The following EPAS1 variants were observed in gnomAD, a reference collection of about 807,000 sequenced individuals.
EPAS1 encodes the protein endothelial PAS domain protein 1.
EPAS1 carries 23 observed loss-of-function variants against 87.9 expected under a neutral mutation model. The ratio of observed to expected loss-of-function variants is 0.26; its 90% CI spans 0.19 to 0.37. The LOEUF is 0.37. Ranked by LOEUF, EPAS1 falls within the 10% of genes least tolerant of loss-of-function variation. The probability of loss-of-function intolerance (pLI) is 1.00; values close to 1 mark genes in which losing one functional copy is unlikely to be tolerated. For synonymous variants in EPAS1, 508 were observed against 444.3 expected, an observed-to-expected ratio of 1.14 and a Z score of -1.80; for missense variants, 1,138 against 1,120.7, an observed-to-expected ratio of 1.02 and a Z score of -0.22.
intron 6 of EPAS1, among the ~76,000 whole-genome samples, chr2:46,365,106 C>T: frequency 6.6e-6 from 1 of 152,178 alleles, no homozygotes; most frequent in East Asian, 1.9e-4. Context: ...GGAAGCCAAG[C>T]CGTCAGGGAG....
chr2:46,377,340 ACC>A (rs1310756155), intron 9 of EPAS1, among the ~76,000 whole-genome samples: 4 of 152,092 alleles, frequency 2.6e-5, no homozygotes, highest in Non-Finnish European at 5.9e-5. Context: ...TCCTGGAAAC[ACC>A]CTTGAAGCCC....
Position 46,357,432 on chromosome 2 carries a change from C to G in EPAS1, c.454+624C>G, listed in dbSNP as rs116263710. ...CTCACTCTATGGAGACTCAGAGACT[C>G]TCCCTCTCCATATGGTGTCTCTAGG... On this transcript the variant is annotated intron_variant, in intron 4 of 15. Coordinates refer to ENST00000263734, the MANE Select transcript of EPAS1 (RefSeq NM_001430.5). Among the ~76,000 whole-genome samples, 1,205 of 152,302 alleles carry G rather than the reference C, an allele frequency of 7.9e-3. 17 individuals carry two copies. Among genetic ancestry groups the G allele is most frequent in the African/African-American group, 0.028 (1,172 of 41,550 alleles).
intron 1 of EPAS1, among the ~76,000 whole-genome samples, chr2:46,326,316 T>C (rs1047013171): frequency 3.3e-5 from 5 of 152,116 alleles, no homozygotes; most frequent in Non-Finnish European, 7.4e-5. Flanking sequence ...CAAGATTTCC[T>C]GGAGTGGCTT....
chr2:46,344,918 A>G (rs1683992115), intron 1 of EPAS1, among the ~76,000 whole-genome samples: 1 of 152,262 alleles, frequency 6.6e-6, no homozygotes, highest in Non-Finnish European at 1.5e-5. Flanking sequence ...AGTATGTTGT[A>G]AAATCAAAAC....
chr2:46,312,518 G>GA (rs1683233634), intron 1 of EPAS1, among the ~76,000 whole-genome samples: 1 of 152,086 alleles, frequency 6.6e-6, no homozygotes, highest in South Asian at 2.1e-4. Context: ...ATAGAACTTT[G>GA]AAAAGTTTAA....
At position 46,373,586 on chromosome 2, in the gene EPAS1, A is replaced by G. The variant is rs186933632; in HGVS notation, c.887-2104A>G. ...AATCTAGAAAAGACAATTCGAATAT[A>G]TAGTGGCAAAAAGCAGAAGAGTGGT... On this transcript the variant is annotated intron_variant, in intron 7 of 15. Coordinates refer to ENST00000263734, the MANE Select transcript of EPAS1 (RefSeq NM_001430.5). Among the ~76,000 whole-genome samples the G allele has an allele frequency of 1.3e-3, 193 of 152,322 alleles. 1 individual carries two copies. The highest frequency in any genetic ancestry group is 2.5e-4 in the Non-Finnish European group (17 of 68,026).
In EPAS1 at chr2:46,347,521, C is replaced by A. The variant is rs974416655; in HGVS notation, c.217+458C>A. On this transcript the variant is annotated intron_variant, in intron 2 of 15. Coordinates refer to ENST00000263734, the MANE Select transcript of EPAS1 (RefSeq NM_001430.5). This position sits in a 1 kb window ranked among gnomAD's most constrained non-coding sequence, Gnocchi z 4.2. ...GAGAAGCCAGTTAGGCCAAGTAAAT[C>A]ATTTAGTCTCTCTGAACATTGGTTT... is the stretch of plus-strand genomic sequence containing the variant. 2.4e-5 allele frequency: 6 copies of A among 252,296 alleles called. No homozygotes were observed. Among genetic ancestry groups the A allele is most frequent in the African/African-American group, 4.5e-5 (2 of 44,910 alleles). 15.6% of individuals were successfully genotyped at this position (252,296 alleles called of 1,614,324 possible).
intron 1 of EPAS1, among the ~76,000 whole-genome samples, chr2:46,304,754 T>C (rs1275597304): frequency 6.6e-6 from 1 of 152,170 alleles, no homozygotes; most frequent in Non-Finnish European, 1.5e-5. Context: ...CAGGAGAACC[T>C]GTTAGAAGCT....
At chr2:46,350,880 C>T (rs548119282) in intron 2 of EPAS1, among the ~76,000 whole-genome samples, 1 of 152,246 alleles carries the variant, frequency 6.6e-6, no homozygotes, top group East Asian at 1.9e-4. Context: ...TCAGTTATAA[C>T]AAGAGATTAT....
At chr2:46,364,501 A>G (rs1216742248) in intron 6 of EPAS1, among the ~76,000 whole-genome samples, 1 of 152,222 alleles carries the variant, frequency 6.6e-6, no homozygotes, top group Admixed American at 6.5e-5. Context: ...ATCTGAAACA[A>G]CCTATTCTGA....
intron 1 of EPAS1, among the ~76,000 whole-genome samples, chr2:46,308,786 G>A (rs1184039065): frequency 6.6e-6 from 1 of 152,126 alleles, no homozygotes; most frequent in African/African-American, 2.4e-5. Flanking sequence ...TAATCTCAAC[G>A]TTAAAAGCAA....
chr2:46,317,777 A>T (rs952162690), intron 1 of EPAS1, among the ~76,000 whole-genome samples: 1 of 152,250 alleles, frequency 6.6e-6, no homozygotes, highest in African/African-American at 2.4e-5. Context: ...CAATGATCTT[A>T]GCTAGATCTT....
chr2:46,338,737 C>T lies in EPAS1; in HGVS notation c.27-8136C>T, dbSNP rs985690564. Among the ~76,000 whole-genome samples the T allele has an allele frequency of 7.9e-5, 12 of 152,148 alleles. 1 individual carries two copies. In the East Asian group the frequency reaches 2.3e-3, roughly 29 times the overall value. ...CGTATGCATGAGGAAGAGAAGCAGC[C>T]TAGAGAGAGCTGGCCATGGGAAAAG... On this transcript the variant is annotated intron_variant, in intron 1 of 15. Transcript: ENST00000263734.
chr2:46,381,819 T>G, intron 13 of EPAS1, 97 bp downstream of exon 13: 1 of 1,573,758 alleles, frequency 6.4e-7, no homozygotes, highest in Non-Finnish European at 8.7e-7. Flanking sequence ...CAAGCCAGCA[T>G]AGCCCTTAGG....
At chr2:46,307,990 C>T (rs1429420481) in intron 1 of EPAS1, among the ~76,000 whole-genome samples, 1 of 152,180 alleles carries the variant, frequency 6.6e-6, no homozygotes, top group Non-Finnish European at 1.5e-5. Flanking sequence ...CAAGGGCAGC[C>T]ACCATGGCAG....
intron 1 of EPAS1, among the ~76,000 whole-genome samples, chr2:46,315,564 G>C (rs887840836): frequency 6.6e-6 from 1 of 152,246 alleles, no homozygotes; most frequent in Non-Finnish European, 1.5e-5. Context: ...ACTGAGCAAA[G>C]TCTGCTTGTT....
At chr2:46,320,981 C>G (rs1031950845) in intron 1 of EPAS1, among the ~76,000 whole-genome samples, 11 of 152,180 alleles carry the variant, frequency 7.2e-5, no homozygotes, top group African/African-American at 2.7e-4. Context: ...CACCACTGCT[C>G]AAGAACTTTT....
rs1684738241 is a variant in EPAS1, at chr2:46,375,994, G to T, written c.1034+157G>T. Among the ~76,000 whole-genome samples, 1 of 152,184 alleles carries T rather than the reference G, an allele frequency of 6.6e-6. No homozygotes were observed. The highest frequency in any genetic ancestry group is 2.4e-5 in the African/African-American group (1 of 41,442). On this transcript the variant is annotated intron_variant, in intron 8 of 15. Coordinates refer to ENST00000263734, the MANE Select transcript of EPAS1 (RefSeq NM_001430.5). The surrounding 1 kb of genome is among the most constrained non-coding windows in gnomAD (Gnocchi z 4.1). Reference sequence around the variant, plus strand: ...CAGGGCTAACCCTAGTGACTGAGAGGACTTCCTGTGGATGTCTTGGAACAG... The same window carrying T: ...CAGGGCTAACCCTAGTGACTGAGAGTACTTCCTGTGGATGTCTTGGAACAG...
chr2:46,335,065 C>CCTTTTTTTA (rs1407782733), intron 1 of EPAS1, among the ~76,000 whole-genome samples: 12 of 152,032 alleles, frequency 7.9e-5, no homozygotes, highest in Admixed American at 2.6e-4. Flanking sequence ...TCTTTGCTTT[C>CCTTTTTTTA]CTTTTTTTAA....
Sources: gnomAD v4.1 joint callset for allele counts (sites outside exome capture counted in the v4.1 genomes callset) on GRCh38, gnomAD v4.1.1 for gene constraint, Gnocchi (gnomAD v3.1) non-coding constraint, MANE v1.5 for transcripts, NCBI Gene and HGNC (gene_info 2026-07-23, HGNC 2026-07-21) for gene names.